The following CNOT6 variants were observed in gnomAD, a reference collection of about 807,000 sequenced individuals.
The protein encoded by CNOT6 is CCR4-NOT transcription complex subunit 6.
Under a neutral mutation model 61.2 loss-of-function variants are expected in CNOT6, and 12 were observed. That is an observed-to-expected ratio of 0.20 (90% CI 0.13 to 0.32). The LOEUF is 0.32. Among genes scored for constraint, CNOT6 ranks in the 10% least tolerant of loss-of-function variants. The pLI is 1.00. For missense variants in CNOT6, 405 were observed against 663.9 expected (o/e 0.61, Z 4.28); for synonymous variants, 225 against 240.6 (o/e 0.94, Z 0.60).
chr5:180,498,082 T>C (rs1756696951), intron 1 of CNOT6, among the ~76,000 whole-genome samples: 1 of 151,632 alleles, frequency 6.6e-6, no homozygotes, highest in Non-Finnish European at 1.5e-5. Context: ...TGTAAACATA[T>C]ACTGTATGCA....
intron 1 of CNOT6, among the ~76,000 whole-genome samples, chr5:180,527,758 C>G (rs1204694991): frequency 6.6e-6 from 1 of 152,190 alleles, no homozygotes; most frequent in Non-Finnish European, 1.5e-5. Context: ...CCCAAGGGTT[C>G]TCAACCCTGG....
chr5:180,522,100 T>C (rs1483298736), intron 1 of CNOT6, among the ~76,000 whole-genome samples: 1 of 152,138 alleles, frequency 6.6e-6, no homozygotes, highest in African/African-American at 2.4e-5. Context: ...GTTTTTTATT[T>C]ATTTATTTTT....
chr5:180,537,531 A>G (rs1406397391), intron 2 of CNOT6, among the ~76,000 whole-genome samples: 1 of 152,030 alleles, frequency 6.6e-6, no homozygotes, highest in African/African-American at 2.4e-5. Flanking sequence ...AAATGCGGAT[A>G]TGTCTTTTGC....
chr5:180,505,959 G>A (rs749558927), intron 1 of CNOT6, among the ~76,000 whole-genome samples: 11 of 152,126 alleles, frequency 7.2e-5, no homozygotes, highest in Non-Finnish European at 1.2e-4. Flanking sequence ...TAGGTGAGGA[G>A]GTTAATTTGG....
At chr5:180,568,336 A>G (rs752633039) in intron 9 of CNOT6, among the ~76,000 whole-genome samples, 28 of 151,536 alleles carry the variant, frequency 1.8e-4, no homozygotes, top group Non-Finnish European at 3.4e-4. Flanking sequence ...CACTTTTGTA[A>G]TTTTTTGGCA....
chr5:180,547,490 A>T (rs1313172518), intron 2 of CNOT6, among the ~76,000 whole-genome samples: 1 of 152,048 alleles, frequency 6.6e-6, no homozygotes, highest in African/African-American at 2.4e-5. Flanking sequence ...ACTGCATTCC[A>T]GCCTGGGCAA....
intron 1 of CNOT6, among the ~76,000 whole-genome samples, chr5:180,517,792 T>C (rs1005194859): frequency 2.6e-5 from 4 of 152,234 alleles, no homozygotes; most frequent in African/African-American, 9.6e-5. Flanking sequence ...TCCGCCCGCC[T>C]CGGCCTCCCA....
At chr5:180,546,102 G>T (rs1561652732) in intron 2 of CNOT6, among the ~76,000 whole-genome samples, 1 of 151,786 alleles carries the variant, frequency 6.6e-6, no homozygotes, top group Non-Finnish European at 1.5e-5. Context: ...CACCATGTTG[G>T]CCAGGATGGT....
At chr5:180,559,694 A>G (rs72814974) in intron 4 of CNOT6, among the ~76,000 whole-genome samples, 2,890 of 151,984 alleles carry the variant, frequency 0.019, 39 homozygotes, top group Non-Finnish European at 0.027. Context: ...CTGCCTGCCT[A>G]TGGGTTACTG....
Position 180,569,156 on chromosome 5 carries a change from T to G in CNOT6, c.1074T>G (p.Ala358=). Residue 358 remains alanine, a synonymous_variant, in exon 10 of 12, where the codon GCT becomes GCG. Coordinates refer to ENST00000261951, the MANE Select transcript of CNOT6 (RefSeq NM_001370472.1). ...LGTEKQLILV[A]NAHMHWDPEY... Reference sequence around the variant, plus strand: ...CAGAAAAACAACTTATTCTTGTGGCTAACGCCCACATGCATTGGGACCCTG... The same window carrying G: ...CAGAAAAACAACTTATTCTTGTGGCGAACGCCCACATGCATTGGGACCCTG... 6.2e-7 allele frequency: 1 copy of G among 1,614,154 alleles called. No homozygotes were observed.
intron 2 of CNOT6, among the ~76,000 whole-genome samples, chr5:180,547,223 A>ACATT (rs1759357760): frequency 6.6e-6 from 1 of 151,594 alleles, no homozygotes; most frequent in African/African-American, 2.4e-5. Context: ...TCCTTACAGT[A>ACATT]AAGTTTTTAC....
intron 4 of CNOT6, among the ~76,000 whole-genome samples, chr5:180,556,741 AG>A (rs1188781264): frequency 6.6e-6 from 1 of 152,186 alleles, no homozygotes; most frequent in Non-Finnish European, 1.5e-5. Flanking sequence ...TCACGAGGTC[AG>A]GGGATCGAGA....
chr5:180,495,063 G>A (rs1756538057), intron 1 of CNOT6, among the ~76,000 whole-genome samples: 2 of 152,150 alleles, frequency 1.3e-5, no homozygotes, highest in South Asian at 4.1e-4. Flanking sequence ...GGTCCCGGCT[G>A]CCGTCGTCGG....
rs1171709475 is a variant in CNOT6 at position 180,566,013 on chromosome 5, TAAAG to T, written c.717+37_717+40del. On this transcript the variant is annotated intron_variant, in intron 7 of 11. Coordinates refer to ENST00000261951, the MANE Select transcript of CNOT6 (RefSeq NM_001370472.1). Reference sequence around the variant, plus strand: ...CAGAAGACAGTCAACCTAGCATTGATAAAGGAAGGAGCAACTAGGAATACATTAC... The same window carrying T: ...CAGAAGACAGTCAACCTAGCATTGATGAAGGAGCAACTAGGAATACATTAC... 1.2e-5 allele frequency: 19 copies of T among 1,569,520 alleles called. No homozygotes were observed. The East Asian group carries it at 1.8e-4, about 15-fold the overall frequency.
At chr5:180,497,430 A>G (rs534016760) in intron 1 of CNOT6, among the ~76,000 whole-genome samples, 3 of 152,256 alleles carry the variant, frequency 2.0e-5, no homozygotes, top group Non-Finnish European at 4.4e-5. Flanking sequence ...TCATAGTGCA[A>G]CAGAAAAGGA....
chr5:180,559,262 G>GT (rs1279692723), intron 4 of CNOT6, among the ~76,000 whole-genome samples: 3 of 152,140 alleles, frequency 2.0e-5, no homozygotes, highest in African/African-American at 7.2e-5. Context: ...AGTTCTCTCA[G>GT]TTTTTGCATA....
chr5:180,536,154 C>T (rs917871304), intron 2 of CNOT6, among the ~76,000 whole-genome samples: 7 of 104,274 alleles, frequency 6.7e-5, no homozygotes, highest in African/African-American at 2.3e-4. Context: ...CGCCACCACA[C>T]CCGGCTAATT....
intron 2 of CNOT6, among the ~76,000 whole-genome samples, chr5:180,541,865 G>C (rs1001524568): frequency 1.4e-5 from 2 of 147,464 alleles, no homozygotes; most frequent in Non-Finnish European, 3.0e-5. Context: ...TTTAGCAGAC[G>C]GGGTCTCGCT....
chr5:180,501,492 CAG>C (rs1414898256), intron 1 of CNOT6, among the ~76,000 whole-genome samples: 9 of 152,300 alleles, frequency 5.9e-5, no homozygotes, highest in Middle Eastern at 3.4e-3. Flanking sequence ...ATATCTGGAC[CAG>C]AGAGCGGTTT....
Sources: allele counts gnomAD v4.1 joint callset (sites outside exome capture counted in the v4.1 genomes callset), GRCh38; gene constraint gnomAD v4.1.1; transcripts MANE v1.5; gene names NCBI Gene and HGNC (gene_info 2026-07-23, HGNC 2026-07-21).